The following RFTN2 variants were observed in gnomAD, a reference collection of about 807,000 sequenced individuals.
RFTN2 encodes the protein raftlin family member 2.
Under a neutral mutation model 52.7 loss-of-function variants are expected in RFTN2, and 34 were observed. The ratio of observed to expected loss-of-function variants is 0.64; its 90% CI spans 0.49 to 0.86. The LOEUF (loss-of-function observed/expected upper bound fraction) is 0.86, where lower values mean the gene tolerates loss of function less well. Among genes scored for constraint, RFTN2 ranks in the 40% least tolerant of loss-of-function variants. The pLI is 0.00. For missense variants in RFTN2, 536 were observed against 600.1 expected (o/e 0.89, Z 1.12); for synonymous variants, 203 against 217.7 (o/e 0.93, Z 0.59).
intron 1 of RFTN2, among the ~76,000 whole-genome samples, chr2:197,655,580 C>T (rs561993136): frequency 6.6e-6 from 1 of 152,266 alleles, no homozygotes; most frequent in African/African-American, 2.4e-5. Flanking sequence ...AATCCCAGCA[C>T]TTTGGGAGGC....
chr2:197,578,088 G>A (rs78060858), intron 8 of RFTN2, among the ~76,000 whole-genome samples: 1,845 of 152,246 alleles, frequency 0.012, 35 homozygotes, highest in African/African-American at 0.042. Flanking sequence ...GAAGGTGGGG[G>A]TTCCTGGGGG....
intron 5 of RFTN2, among the ~76,000 whole-genome samples, chr2:197,626,377 G>A (rs2088358994): frequency 6.6e-6 from 1 of 151,900 alleles, no homozygotes. Flanking sequence ...ACCAACCTGG[G>A]CAGCAAAGCG....
intron 8 of RFTN2, among the ~76,000 whole-genome samples, chr2:197,594,015 CTTTTT>C (rs11352058): frequency 8.3e-5 from 8 of 95,984 alleles, no homozygotes; most frequent in Admixed American, 1.1e-4. Context: ...CAGAATATTT[CTTTTT>C]TTTTTTTTTT....
At chr2:197,662,502 A>G (rs1192456104) in intron 1 of RFTN2, among the ~76,000 whole-genome samples, 1 of 152,204 alleles carries the variant, frequency 6.6e-6, no homozygotes, top group African/African-American at 2.4e-5. Context: ...TTTGGCTACT[A>G]TAACCTTCTA....
rs370445485 is a variant in RFTN2, at chr2:197,658,303, G to A, written c.140-11637C>T. On this transcript the variant is annotated intron_variant, in intron 1 of 8. Coordinates refer to ENST00000295049, the MANE Select transcript of RFTN2 (RefSeq NM_144629.3). ...TGTGTGACCCCTAAGCATGCACATA[G>A]TCTGCTGCCCAGGTTGGACTGCAAT... is the stretch of plus-strand genomic sequence containing the variant. 3.3e-5 allele frequency among the ~76,000 whole-genome samples: 5 copies of A among 151,368 alleles called. No individual in the cohort carries two copies. In the South Asian group the frequency reaches 6.2e-4, roughly 19 times the overall value.
chr2:197,583,634 T>G (rs2087546281), intron 8 of RFTN2, among the ~76,000 whole-genome samples: 1 of 152,068 alleles, frequency 6.6e-6, no homozygotes, highest in Non-Finnish European at 1.5e-5. Context: ...CTTTTTTTTT[T>G]TTTTTTAATT....
chr2:197,609,661 CT>C (rs1365141482), intron 7 of RFTN2, among the ~76,000 whole-genome samples: 1 of 152,070 alleles, frequency 6.6e-6, no homozygotes, highest in East Asian at 1.9e-4. Flanking sequence ...TCTATTTTGG[CT>C]TTTGGTGTTT....
At chr2:197,648,340 T>C (rs1013912489) in intron 1 of RFTN2, among the ~76,000 whole-genome samples, 3 of 152,216 alleles carry the variant, frequency 2.0e-5, no homozygotes, top group Admixed American at 1.3e-4. Context: ...TGGATTTAAA[T>C]TAATATTTTA....
intron 7 of RFTN2, among the ~76,000 whole-genome samples, chr2:197,603,408 C>T (rs868222675): frequency 6.6e-6 from 1 of 152,150 alleles, no homozygotes; most frequent in Non-Finnish European, 1.5e-5. Context: ...AAGATAATTG[C>T]AGCATGCATA....
intron 7 of RFTN2, among the ~76,000 whole-genome samples, chr2:197,608,426 C>T (rs1436536239): frequency 1.3e-5 from 2 of 151,724 alleles, no homozygotes; most frequent in East Asian, 3.9e-4. Flanking sequence ...ATTCTCGTGC[C>T]TCAGCCTCCT....
intron 8 of RFTN2, among the ~76,000 whole-genome samples, chr2:197,584,248 T>G (rs1354654983): frequency 3.3e-5 from 5 of 152,278 alleles, no homozygotes; most frequent in Middle Eastern, 6.8e-3. Context: ...CACCAACAGT[T>G]TAAAAGTGTT....
intron 1 of RFTN2, among the ~76,000 whole-genome samples, chr2:197,649,205 C>T (rs570664655): frequency 2.8e-4 from 43 of 152,152 alleles, no homozygotes; most frequent in Middle Eastern, 3.4e-3. Context: ...TAGGCAGTGA[C>T]GTGGAATTTG....
chr2:197,581,121 C>T (rs2087501339), intron 8 of RFTN2, among the ~76,000 whole-genome samples: 1 of 152,198 alleles, frequency 6.6e-6, no homozygotes, highest in Non-Finnish European at 1.5e-5. Flanking sequence ...CCACAACAGG[C>T]TTTAAGGGGA....
chr2:197,647,592 T>G (rs2088771627), intron 1 of RFTN2, among the ~76,000 whole-genome samples: 1 of 152,244 alleles, frequency 6.6e-6, no homozygotes, highest in East Asian at 1.9e-4. Flanking sequence ...AGGCAGCACT[T>G]GTCAAGGCTT....
intron 8 of RFTN2, among the ~76,000 whole-genome samples, chr2:197,581,654 G>T (rs1361418504): frequency 6.6e-6 from 1 of 151,914 alleles, no homozygotes; most frequent in African/African-American, 2.4e-5. Flanking sequence ...GGGATATCTG[G>T]TACCCCCTTC....
intron 3 of RFTN2, among the ~76,000 whole-genome samples, chr2:197,643,756 A>G (rs1020814346): frequency 6.6e-6 from 1 of 152,112 alleles, no homozygotes; most frequent in Non-Finnish European, 1.5e-5. Context: ...TAATCTATTC[A>G]TTGACTATAT....
intron 6 of RFTN2, among the ~76,000 whole-genome samples, 155 bp downstream of exon 6, chr2:197,617,645 C>T (rs978503829): frequency 1.3e-5 from 2 of 151,828 alleles, no homozygotes; most frequent in African/African-American, 2.4e-5. Context: ...GGTGCCACTG[C>T]ACTCCAGCCT....
intron 7 of RFTN2, among the ~76,000 whole-genome samples, chr2:197,612,332 T>C (rs1319728612): frequency 1.3e-5 from 2 of 152,202 alleles, no homozygotes; most frequent in Admixed American, 1.3e-4. Flanking sequence ...TCAGTGTTTC[T>C]GAAAGTGCAT....
At position 197,675,466 on chromosome 2, in the gene RFTN2, TC is replaced by T; in HGVS notation, c.-9del. On this transcript the variant is annotated 5_prime_UTR_variant, in exon 1 of 9. Coordinates refer to ENST00000295049, the MANE Select transcript of RFTN2 (RefSeq NM_144629.3). ...TCTAAGTCCGCACCCCATGGCAAAA[TC>T]TGTAAGGAATTAAATTGCAGGAAAG... 6.5e-7 allele frequency: 1 copy of T among 1,545,934 alleles called. No individual in the cohort carries two copies. Among genetic ancestry groups the T allele is most frequent in the Non-Finnish European group, 8.7e-7 (1 of 1,147,812 alleles).
Sources: allele counts gnomAD v4.1 joint callset (sites outside exome capture counted in the v4.1 genomes callset), GRCh38; gene constraint gnomAD v4.1.1; transcripts MANE v1.5; gene names NCBI Gene and HGNC (gene_info 2026-07-23, HGNC 2026-07-21).